NCKAP5: variants seen among roughly 807,000 people sequenced by gnomAD.
NCKAP5 encodes the protein NCK associated protein 5, also known as nck-associated protein 5.
A neutral mutation model predicts 167.0 loss-of-function variants in NCKAP5; 92 were observed. The observed-to-expected ratio is 0.55, with a 90% CI of 0.47 to 0.66. NCKAP5 has a LOEUF of 0.66. NCKAP5 is among the 30% of genes least tolerant of loss of function. The probability of loss-of-function intolerance (pLI) is 0.00; values close to 1 mark genes in which losing one functional copy is unlikely to be tolerated. For missense variants in NCKAP5, 2,378 were observed against 2,315.0 expected (o/e 1.03, Z -0.56); for synonymous variants, 891 against 877.4 (o/e 1.02, Z -0.27).
At chr2:133,561,595 A>G (rs946634931) in intron 1 of NCKAP5, among the ~76,000 whole-genome samples, 23 of 152,190 alleles carry the variant, frequency 1.5e-4, no homozygotes, top group Admixed American at 1.3e-4. Context: ...TTTACCAACT[A>G]CAATAAACCA....
At chr2:133,583,521 T>C in the NCKAP5 span, among the ~76,000 whole-genome samples, 2 of 152,160 alleles carry the variant, frequency 1.3e-5, no homozygotes, top group East Asian at 3.8e-4. Flanking sequence ...CTTTTCTTTA[T>C]AAATTACCCA....
intron 11 of NCKAP5, among the ~76,000 whole-genome samples, chr2:132,850,896 G>A (rs113024415): frequency 0.014 from 2,135 of 152,110 alleles, 22 homozygotes; most frequent in Middle Eastern, 0.045. Flanking sequence ...GCCTTTCTCC[G>A]GTCACCAGTG....
intron 3 of NCKAP5, among the ~76,000 whole-genome samples, chr2:133,318,777 G>A (rs1025517539): frequency 1.3e-5 from 2 of 152,124 alleles, no homozygotes; most frequent in African/African-American, 2.4e-5. Context: ...ATAACTCAGC[G>A]CTGCCCTTCA....
intron 2 of NCKAP5, among the ~76,000 whole-genome samples, chr2:133,540,996 C>T (rs1686186678): frequency 6.9e-6 from 1 of 145,754 alleles, no homozygotes; most frequent in Non-Finnish European, 1.5e-5. Flanking sequence ...AAGGGAAACA[C>T]GATAAGGTCT....
intron 5 of NCKAP5, among the ~76,000 whole-genome samples, chr2:133,195,795 T>C (rs1021025273): frequency 1.3e-5 from 2 of 152,096 alleles, no homozygotes; most frequent in African/African-American, 2.4e-5. Context: ...CATAACATAT[T>C]GACAGGAAAA....
the NCKAP5 span, among the ~76,000 whole-genome samples, chr2:133,599,784 G>A: frequency 1.3e-5 from 2 of 152,190 alleles, no homozygotes; most frequent in East Asian, 1.9e-4. Context: ...CATGAGGAGC[G>A]CCTGCACATG....
intron 16 of NCKAP5, among the ~76,000 whole-genome samples, chr2:132,753,430 A>G (rs540124181): frequency 6.6e-6 from 1 of 152,340 alleles, no homozygotes; most frequent in East Asian, 1.9e-4. Context: ...AATCTTATGG[A>G]AATGGTCTGA....
chr2:133,068,848 G>T (rs1394549385), intron 6 of NCKAP5, among the ~76,000 whole-genome samples: 1 of 152,160 alleles, frequency 6.6e-6, no homozygotes, highest in African/African-American at 2.4e-5. Context: ...TCATTCTTTA[G>T]GGTTCAACTA....
At chr2:132,733,343 T>C (rs1691206014) in intron 16 of NCKAP5, among the ~76,000 whole-genome samples, 1 of 152,198 alleles carries the variant, frequency 6.6e-6, no homozygotes, top group Non-Finnish European at 1.5e-5. Flanking sequence ...GGGAATGTAA[T>C]AGATTACGAC....
chr2:133,275,622 A>G (rs2089693068), intron 4 of NCKAP5, among the ~76,000 whole-genome samples: 2 of 152,122 alleles, frequency 1.3e-5, no homozygotes, highest in Admixed American at 6.6e-5. Context: ...TGACAGTGAA[A>G]ACTACCGGAT....
At chr2:133,454,796 C>T (rs1291399295) in intron 3 of NCKAP5, among the ~76,000 whole-genome samples, 1 of 151,974 alleles carries the variant, frequency 6.6e-6, no homozygotes, top group Admixed American at 6.6e-5. Flanking sequence ...TTAGGTCAAA[C>T]TATCTTACCT....
chr2:133,419,974 G>A (rs1171367326), intron 3 of NCKAP5, among the ~76,000 whole-genome samples: 1 of 152,090 alleles, frequency 6.6e-6, no homozygotes, highest in African/African-American at 2.4e-5. Flanking sequence ...ACCCACTTTT[G>A]TATTCCAGTA....
chr2:133,184,787 T>A (rs890223072), intron 5 of NCKAP5, among the ~76,000 whole-genome samples: 2 of 152,038 alleles, frequency 1.3e-5, no homozygotes, highest in African/African-American at 4.8e-5. Flanking sequence ...CTATTCATGT[T>A]CTTTGCCCAC....
At chr2:133,238,931 T>C (rs896788298) in intron 4 of NCKAP5, among the ~76,000 whole-genome samples, 3 of 152,192 alleles carry the variant, frequency 2.0e-5, no homozygotes, top group African/African-American at 7.2e-5. Flanking sequence ...TCAGTCTGTA[T>C]GTAACCTGGT....
At chr2:133,343,793 T>G (rs1683762119) in intron 3 of NCKAP5, among the ~76,000 whole-genome samples, 1 of 152,236 alleles carries the variant, frequency 6.6e-6, no homozygotes, top group Non-Finnish European at 1.5e-5. Context: ...CACGTCGCCA[T>G]AAGCAGTGGT....
intron 4 of NCKAP5, among the ~76,000 whole-genome samples, chr2:133,222,393 C>CA (rs1461264554): frequency 7.7e-6 from 1 of 130,642 alleles, no homozygotes; most frequent in Non-Finnish European, 1.8e-5. Context: ...ATCTAGGTAA[C>CA]AAAAATGACA....
intron 2 of NCKAP5, among the ~76,000 whole-genome samples, chr2:133,524,170 G>A (rs1684688381): frequency 6.6e-6 from 1 of 152,142 alleles, no homozygotes; most frequent in Admixed American, 6.5e-5. Context: ...TTTCCAAGGT[G>A]CAGTCAATGG....
intron 16 of NCKAP5, among the ~76,000 whole-genome samples, chr2:132,742,588 A>G (rs1410654646): frequency 6.6e-6 from 1 of 151,948 alleles, no homozygotes; most frequent in Non-Finnish European, 1.5e-5. Flanking sequence ...CTGTAATTAC[A>G]GATATTTAAT....
intron 4 of NCKAP5, chr2:133,267,516 G>C (rs559640810): frequency 4.6e-5 from 7 of 152,166 alleles, no homozygotes; most frequent in Non-Finnish European, 7.3e-5. Flanking sequence ...GAGAACGGCC[G>C]TGTAGTGTAG....
Sources: allele counts gnomAD v4.1 joint callset (sites outside exome capture counted in the v4.1 genomes callset), GRCh38; gene constraint gnomAD v4.1.1; transcripts MANE v1.5; gene names NCBI Gene and HGNC (gene_info 2026-07-23, HGNC 2026-07-21).